The following BCKDHB variants were observed in gnomAD, a reference collection of about 807,000 sequenced individuals.
BCKDHB encodes 2-oxoisovalerate dehydrogenase subunit beta, mitochondrial.
In BCKDHB, 41 loss-of-function variants were observed where a neutral mutation model predicts 48.5. The observed-to-expected ratio is 0.85, with a 90% CI of 0.66 to 1.10. BCKDHB has a LOEUF of 1.10. Among genes scored for constraint, BCKDHB ranks in the 50% least tolerant of loss-of-function variants. The pLI is 0.00. For synonymous variants in BCKDHB, 201 were observed against 174.8 expected (o/e 1.15, Z -1.18); for missense variants, 496 against 494.2 (o/e 1.00, Z -0.03).
At chr6:80,199,313 C>T (rs773581780) in intron 6 of BCKDHB, among the ~76,000 whole-genome samples, 1 of 152,068 alleles carries the variant, frequency 6.6e-6, no homozygotes, top group African/African-American at 2.4e-5. Context: ...TACTTCTGGA[C>T]GGTGGAGTTG....
chr6:80,294,446 C>T (rs186909548), intron 9 of BCKDHB, among the ~76,000 whole-genome samples: 5 of 152,256 alleles, frequency 3.3e-5, no homozygotes, highest in Admixed American at 1.3e-4. Flanking sequence ...GGAAGACAAC[C>T]GTTAGGTCTG....
the BCKDHB span, among the ~76,000 whole-genome samples, chr6:80,429,096 C>T: frequency 3.9e-5 from 6 of 152,166 alleles, no homozygotes; most frequent in African/African-American, 1.4e-4. Flanking sequence ...ATATGGCTAG[C>T]CAGTTTACCC....
intron 9 of BCKDHB, among the ~76,000 whole-genome samples, chr6:80,281,983 A>G (rs754789146): frequency 3.3e-5 from 5 of 152,224 alleles, no homozygotes; most frequent in Non-Finnish European, 7.3e-5. Context: ...ACTGTTACAG[A>G]GAAATATATT....
chr6:80,423,303 A>G, the BCKDHB span, among the ~76,000 whole-genome samples: 1 of 152,100 alleles, frequency 6.6e-6, no homozygotes, highest in Admixed American at 6.5e-5. Context: ...AGTCAATTAA[A>G]CCTGTTTTGT....
intron 8 of BCKDHB, among the ~76,000 whole-genome samples, chr6:80,233,830 C>G (rs1335923514): frequency 6.6e-6 from 1 of 152,070 alleles, no homozygotes; most frequent in Non-Finnish European, 1.5e-5. Flanking sequence ...CCCCAATAAG[C>G]CAAACAGAAC....
At chr6:80,332,186 A>G (rs1769346776) in intron 9 of BCKDHB, among the ~76,000 whole-genome samples, 1 of 152,054 alleles carries the variant, frequency 6.6e-6, no homozygotes, top group African/African-American at 2.4e-5. Context: ...CTCTCATGAG[A>G]GCCCACAGCT....
At chr6:80,421,518 G>A in the BCKDHB span, among the ~76,000 whole-genome samples, 1 of 152,184 alleles carries the variant, frequency 6.6e-6, no homozygotes, top group Non-Finnish European at 1.5e-5. Flanking sequence ...AAGACAGAAA[G>A]ATGAGGGAAA....
intron 3 of BCKDHB, among the ~76,000 whole-genome samples, chr6:80,144,672 G>A (rs546800365): frequency 5.1e-4 from 77 of 152,116 alleles, no homozygotes; most frequent in Non-Finnish European, 4.7e-4. Flanking sequence ...CTTAATTCAC[G>A]CTCATTTCTA....
intron 3 of BCKDHB, among the ~76,000 whole-genome samples, chr6:80,158,655 C>T (rs1246038261): frequency 6.6e-6 from 1 of 152,100 alleles, no homozygotes; most frequent in Admixed American, 6.6e-5. Flanking sequence ...AACTAGTTGT[C>T]CCTAGTTGGG....
intron 3 of BCKDHB, among the ~76,000 whole-genome samples, chr6:80,129,526 TAGCTGCCTG>T (rs1453089419): frequency 6.6e-6 from 1 of 152,216 alleles, no homozygotes; most frequent in Non-Finnish European, 1.5e-5. Context: ...GTTTTATTGC[TAGCTGCCTG>T]AGCCAATTTC....
chr6:80,179,787 G>A (rs1176455235), intron 6 of BCKDHB, among the ~76,000 whole-genome samples: 3 of 152,208 alleles, frequency 2.0e-5, no homozygotes, highest in Non-Finnish European at 2.9e-5. Context: ...TCTGGTTACA[G>A]GTAGGGGGTT....
At chr6:80,137,190 T>C (rs925139648) in intron 3 of BCKDHB, among the ~76,000 whole-genome samples, 1 of 152,192 alleles carries the variant, frequency 6.6e-6, no homozygotes, top group Non-Finnish European at 1.5e-5. Context: ...TTAGTTTTTC[T>C]TATTTATTAC....
At chr6:80,447,061 G>A in the BCKDHB span, among the ~76,000 whole-genome samples, 3 of 152,260 alleles carry the variant, frequency 2.0e-5, no homozygotes, top group Admixed American at 6.5e-5. Context: ...ATCAGCAAGA[G>A]TGATGAAGCT....
intron 8 of BCKDHB, among the ~76,000 whole-genome samples, chr6:80,256,967 A>G (rs527286213): frequency 6.6e-6 from 1 of 152,312 alleles, no homozygotes; most frequent in Admixed American, 6.5e-5. Context: ...AAAATCTAGT[A>G]GTTTCCTGAT....
intron 8 of BCKDHB, among the ~76,000 whole-genome samples, chr6:80,256,199 T>C (rs1397297630): frequency 2.6e-5 from 4 of 152,190 alleles, no homozygotes; most frequent in Non-Finnish European, 5.9e-5. Context: ...TCTTTGTATA[T>C]ACACAGTAAT....
chr6:80,124,522 G>C (rs1035027140), intron 1 of BCKDHB, among the ~76,000 whole-genome samples: 1 of 152,054 alleles, frequency 6.6e-6, no homozygotes, highest in African/African-American at 2.4e-5. Context: ...TATTGTATGG[G>C]AGTCTCTTTG....
At chr6:80,204,066 CAT>C (rs1292176994) in intron 8 of BCKDHB, among the ~76,000 whole-genome samples, 2 of 151,970 alleles carry the variant, frequency 1.3e-5, no homozygotes, top group Non-Finnish European at 2.9e-5. Flanking sequence ...GAAACAATGA[CAT>C]GTATTATTTT....
chr6:80,388,711 C>T, the BCKDHB span, among the ~76,000 whole-genome samples: 2 of 152,202 alleles, frequency 1.3e-5, no homozygotes, highest in Admixed American at 6.5e-5. Context: ...CCAGTGACCT[C>T]ATGGGGAGTT....
At chr6:80,455,127 T>C in the BCKDHB span, among the ~76,000 whole-genome samples, 1 of 152,112 alleles carries the variant, frequency 6.6e-6, no homozygotes, top group African/African-American at 2.4e-5. Context: ...CATGCTCCCA[T>C]GAGTAATATC....
Sources: gnomAD v4.1 joint callset for allele counts (sites outside exome capture counted in the v4.1 genomes callset) on GRCh38, gnomAD v4.1.1 for gene constraint, MANE v1.5 for transcripts, NCBI Gene and HGNC (gene_info 2026-07-23, HGNC 2026-07-21) for gene names.